The following SYNE1 variants were observed in gnomAD, a reference collection of about 807,000 sequenced individuals.
SYNE1 encodes nesprin-1.
In SYNE1, 616 loss-of-function variants were observed where a neutral mutation model predicts 1,111.0. That is an observed-to-expected ratio of 0.55 (90% CI 0.52 to 0.59). SYNE1 has a LOEUF of 0.59. SYNE1 is among the 20% of genes least tolerant of loss of function. The pLI is 0.00. For synonymous variants in SYNE1, 3,855 were observed against 3,825.8 expected (o/e 1.01, Z -0.28); for missense variants, 10,006 against 10,417.0 (o/e 0.96, Z 1.72).
At chr6:152,554,423 C>G (rs1473215565) in intron 3 of SYNE1, among the ~76,000 whole-genome samples, 1 of 151,880 alleles carries the variant, frequency 6.6e-6, no homozygotes, top group East Asian at 1.9e-4. Context: ...CACTTTTGCA[C>G]TTTTCTGAGG....
At chr6:152,414,066 G>A (rs2098115921) in intron 41 of SYNE1, among the ~76,000 whole-genome samples, 2 of 150,648 alleles carry the variant, frequency 1.3e-5, no homozygotes, top group South Asian at 2.1e-4. Context: ...ATAAGGAAAT[G>A]ATCATTTTTG....
intron 45 of SYNE1, among the ~76,000 whole-genome samples, chr6:152,406,483 CAAA>C (rs34312248): frequency 0.26 from 35,687 of 137,584 alleles, 4,385 homozygotes; most frequent in East Asian, 0.4. Context: ...GATAAAAATG[CAAA>C]AAAAAAAAAA....
chr6:152,339,959 C>T (rs1175516910), intron 74 of SYNE1, among the ~76,000 whole-genome samples: 1 of 152,238 alleles, frequency 6.6e-6, no homozygotes, highest in Non-Finnish European at 1.5e-5. Context: ...ATTTTAGATA[C>T]TGGGCATAGA....
intron 3 of SYNE1, among the ~76,000 whole-genome samples, chr6:152,569,643 AGAAGAAATGGAG>A (rs2099435996): frequency 1.3e-5 from 2 of 152,214 alleles, no homozygotes; most frequent in Non-Finnish European, 2.9e-5. Context: ...AGGGATGATG[AGAAGAAATGGAG>A]GAAGAAAAAA....
intron 104 of SYNE1, 90 bp from the exon 105 acceptor site, chr6:152,249,352 A>T: frequency 1.2e-6 from 1 of 810,680 alleles, no homozygotes. Flanking sequence ...GAAATAACAT[A>T]GAGGCACAGA....
chr6:152,156,202 A>T, intron 131 of SYNE1, 105 bp from the exon 132 acceptor site: 1 of 1,198,498 alleles, frequency 8.3e-7, no homozygotes, highest in South Asian at 1.3e-5. Context: ...CTTGACAAAT[A>T]TTTAATTTCC....
chr6:152,149,388 G>T, intron 136 of SYNE1, 89 bp downstream of exon 136: 1 of 1,508,486 alleles, frequency 6.6e-7, no homozygotes, highest in Non-Finnish European at 9.2e-7. Context: ...TCCAGAGTCT[G>T]AGCTCTCACC....
intron 130 of SYNE1, among the ~76,000 whole-genome samples, chr6:152,174,027 A>G (rs1171705481): frequency 2.6e-5 from 4 of 152,248 alleles, no homozygotes; most frequent in African/African-American, 7.2e-5. Context: ...TTGGGCATAC[A>G]CTAAGTTAGC....
intron 10 of SYNE1, among the ~76,000 whole-genome samples, chr6:152,502,199 A>C (rs1406753851): frequency 2.0e-5 from 3 of 151,884 alleles, no homozygotes; most frequent in Non-Finnish European, 4.4e-5. Context: ...ACTTTTACAA[A>C]TTGCGTCTTA....
intron 3 of SYNE1, among the ~76,000 whole-genome samples, chr6:152,575,365 G>C (rs1316141889): frequency 6.6e-6 from 1 of 152,174 alleles, no homozygotes; most frequent in Non-Finnish European, 1.5e-5. Context: ...ATGCTCACTA[G>C]AGATGGAGCT....
rs768657542 is a variant in SYNE1 at position 152,268,162 on chromosome 6, A to T, written c.18709T>A (p.Leu6237Ile). ...TTCTGCTCGGCTAATTCCTGTTCTA[A>T]CTCCTGCTCAAGGGAAAGGACAAAC... ...RQSSLQQQKE[L>I]EQELAEQKSL... Residue 6237 changes from leucine to isoleucine, a missense_variant, in exon 100 of 146, where the codon TTA becomes ATA. Physicochemically the swap from Leu to Ile is conservative, Grantham distance 5 (BLOSUM62 2). Transcript: ENST00000367255. The T allele has an allele frequency of 2.5e-6, 4 of 1,613,438 alleles. No homozygotes were observed. The highest frequency in any genetic ancestry group is 1.7e-6 in the Non-Finnish European group (2 of 1,179,390).
intron 142 of SYNE1, 173 bp downstream of exon 142, chr6:152,134,931 G>A: frequency 2.7e-6 from 2 of 744,052 alleles, no homozygotes; most frequent in Non-Finnish European, 4.3e-6. Flanking sequence ...CTATGCACAT[G>A]TTTGCTTTAC....
intron 3 of SYNE1, among the ~76,000 whole-genome samples, chr6:152,627,375 G>A (rs1427170634): frequency 3.3e-5 from 5 of 152,126 alleles, no homozygotes; most frequent in African/African-American, 4.8e-5. Flanking sequence ...AAGAGCAGCC[G>A]GGCACGGTGG....
At chr6:152,420,599 G>A (rs893564432) in intron 39 of SYNE1, among the ~76,000 whole-genome samples, 2 of 152,140 alleles carry the variant, frequency 1.3e-5, no homozygotes, top group African/African-American at 4.8e-5. Flanking sequence ...CAGCCTGGGT[G>A]ACAGAGTGAG....
At chr6:152,592,061 A>G (rs2099568466) in intron 3 of SYNE1, among the ~76,000 whole-genome samples, 1 of 152,144 alleles carries the variant, frequency 6.6e-6, no homozygotes, top group Admixed American at 6.5e-5. Context: ...ATGCTTATAC[A>G]CTGCTGGTAG....
At chr6:152,318,768 T>C (rs1231021845) in intron 85 of SYNE1, 95 bp downstream of exon 85, 9 of 1,479,946 alleles carry the variant, frequency 6.1e-6, no homozygotes, top group Admixed American at 2.1e-5. Flanking sequence ...TTAAAAAAGG[T>C]TCCTAAAAGG....
chr6:152,386,639 A>C (rs2097530334), intron 54 of SYNE1, among the ~76,000 whole-genome samples: 1 of 152,218 alleles, frequency 6.6e-6, no homozygotes, highest in Non-Finnish European at 1.5e-5. Context: ...ACTTTGGAAA[A>C]TAGAAACCGT....
intron 3 of SYNE1, among the ~76,000 whole-genome samples, chr6:152,562,407 G>A (rs2099397964): frequency 6.6e-6 from 1 of 152,186 alleles, no homozygotes; most frequent in Admixed American, 6.5e-5. Context: ...AAGTGTTGGT[G>A]AGGATGTGGA....
chr6:152,367,409 G>A, intron 61 of SYNE1, 27 bp from the exon 62 acceptor site: 1 of 1,612,188 alleles, frequency 6.2e-7, no homozygotes, highest in South Asian at 1.1e-5. Context: ...TGGTTTTCGA[G>A]CTGTCCATCC....
Sources: allele counts gnomAD v4.1 joint callset (sites outside exome capture counted in the v4.1 genomes callset), GRCh38; gene constraint gnomAD v4.1.1; transcripts MANE v1.5; gene names NCBI Gene and HGNC (gene_info 2026-07-23, HGNC 2026-07-21).